ASAH2: variants seen among roughly 807,000 people sequenced by gnomAD.
The protein encoded by ASAH2 is N-acylsphingosine amidohydrolase 2.
ASAH2 carries 58 observed loss-of-function variants against 82.9 expected under a neutral mutation model. The observed-to-expected ratio is 0.70, with a 90% CI of 0.57 to 0.87. The LOEUF is 0.87. Ranked by LOEUF, ASAH2 falls within the 40% of genes least tolerant of loss-of-function variation. The pLI is 0.00. For missense variants in ASAH2, 779 were observed against 834.0 expected (o/e 0.93, Z 0.81); for synonymous variants, 276 against 289.7 (o/e 0.95, Z 0.48).
intron 10 of ASAH2, among the ~76,000 whole-genome samples, chr10:50,212,385 T>C (rs1845480156): frequency 6.6e-6 from 1 of 151,760 alleles, no homozygotes; most frequent in Admixed American, 6.6e-5. Context: ...GAAATCAGAG[T>C]AATTCATAGT....
chr10:50,237,633 T>C (rs1043226477), intron 4 of ASAH2, among the ~76,000 whole-genome samples: 9 of 152,320 alleles, frequency 5.9e-5, no homozygotes, highest in Admixed American at 1.3e-4. Flanking sequence ...AGTTGATCAA[T>C]GAACATCCAA....
intron 1 of ASAH2, among the ~76,000 whole-genome samples, chr10:50,250,457 G>A (rs929336241): frequency 5.3e-5 from 8 of 152,172 alleles, no homozygotes; most frequent in African/African-American, 1.9e-4. Context: ...AGCAAAACAA[G>A]TCAGATCTGT....
At chr10:50,223,585 G>A (rs1845801779) in intron 7 of ASAH2, among the ~76,000 whole-genome samples, 2 of 152,148 alleles carry the variant, frequency 1.3e-5, no homozygotes, top group South Asian at 2.1e-4. Context: ...TAGCAACATG[G>A]GAGCTCTTTA....
intron 7 of ASAH2, among the ~76,000 whole-genome samples, chr10:50,222,518 G>T (rs1845776190): frequency 1.3e-5 from 2 of 152,196 alleles, no homozygotes; most frequent in South Asian, 2.1e-4. Flanking sequence ...GAGCTCAAGC[G>T]ATCCTCCTGC....
chr10:50,237,283 G>A (rs1395789256), intron 4 of ASAH2, among the ~76,000 whole-genome samples: 1 of 152,166 alleles, frequency 6.6e-6, no homozygotes, highest in Non-Finnish European at 1.5e-5. Context: ...TAATAATCCT[G>A]TGGAGAAGCC....
At chr10:50,206,698 T>C (rs576328209) in intron 12 of ASAH2, among the ~76,000 whole-genome samples, 1 of 151,952 alleles carries the variant, frequency 6.6e-6, no homozygotes, top group African/African-American at 2.4e-5. Context: ...ATTATAAATG[T>C]CTGTGTAACA....
chr10:50,249,032 G>A (rs1442273762), intron 1 of ASAH2, among the ~76,000 whole-genome samples: 1 of 152,192 alleles, frequency 6.6e-6, no homozygotes, highest in Admixed American at 6.5e-5. Flanking sequence ...TGTTAACAAG[G>A]ATGACTGATG....
intron 19 of ASAH2, among the ~76,000 whole-genome samples, chr10:50,192,337 ACAT>A (rs1844871514): frequency 7.3e-5 from 1 of 13,632 alleles, no homozygotes; most frequent in African/African-American, 7.8e-5. Context: ...TTTGACTGAA[ACAT>A]CATTGTATGT....
chr10:50,203,727 C>G, intron 14 of ASAH2, 48 bp from the exon 15 acceptor site: 1 of 1,552,160 alleles, frequency 6.4e-7, no homozygotes, highest in African/African-American at 1.4e-5. Context: ...TAGACGTATG[C>G]AGAGTACACA....
chr10:50,220,053 A>G (rs1012339260), intron 7 of ASAH2, among the ~76,000 whole-genome samples: 3 of 152,352 alleles, frequency 2.0e-5, no homozygotes, highest in Admixed American at 1.3e-4. Flanking sequence ...GAACTGCTAT[A>G]CATTAAGAGA....
At chr10:50,241,143 C>T (rs1177289006) in intron 4 of ASAH2, among the ~76,000 whole-genome samples, 1 of 152,190 alleles carries the variant, frequency 6.6e-6, no homozygotes, top group Non-Finnish European at 1.5e-5. Flanking sequence ...AGTGGACCTT[C>T]AAGCCTGGGT....
intron 7 of ASAH2, 62 bp from the exon 8 acceptor site, chr10:50,218,692 A>G (rs1845672736): frequency 6.2e-7 from 1 of 1,600,242 alleles, no homozygotes; most frequent in Non-Finnish European, 8.6e-7. Flanking sequence ...GCCAAGAACT[A>G]TGACTGGGAG....
intron 4 of ASAH2, among the ~76,000 whole-genome samples, chr10:50,236,415 C>T (rs982156187): frequency 1.9e-4 from 29 of 152,068 alleles, no homozygotes; most frequent in African/African-American, 7.0e-4. Context: ...ATCATGAGAA[C>T]AGCAGCATGG....
intron 7 of ASAH2, among the ~76,000 whole-genome samples, chr10:50,228,062 G>A (rs1845936087): frequency 6.6e-6 from 1 of 152,170 alleles, no homozygotes; most frequent in African/African-American, 2.4e-5. Flanking sequence ...AGTGGCTCAG[G>A]CCTGTGATCC....
rs1844780864 is a variant in ASAH2, at chr10:50,187,295, A to T, written c.*20T>A. The T allele has an allele frequency of 7.8e-6, 1 of 128,678 alleles. No homozygotes were observed. 8.0% of individuals were successfully genotyped at this position (128,678 alleles called of 1,614,324 possible). A position where few individuals can be genotyped will look rare whatever the true frequency, so the allele number is the denominator to read the frequency against. ...GTGTAGAGAGTAAAGCTGTTCTTTA[A>T]ATGATCTATCAACTTTTCACTAAAT... On this transcript the variant is annotated 3_prime_UTR_variant, in exon 21 of 21. Transcript: ENST00000682911.
chr10:50,235,658 T>TTAAACA (rs1846140512), intron 5 of ASAH2, among the ~76,000 whole-genome samples: 1 of 152,140 alleles, frequency 6.6e-6, no homozygotes, highest in East Asian at 1.9e-4. Flanking sequence ...ATAACTACAT[T>TTAAACA]GGGCTTAGTC....
At chr10:50,246,018 T>C (rs1387990425) in intron 2 of ASAH2, among the ~76,000 whole-genome samples, 1 of 152,226 alleles carries the variant, frequency 6.6e-6, no homozygotes, top group African/African-American at 2.4e-5. Flanking sequence ...TGTATACATG[T>C]TGATATAATT....
chr10:50,222,834 C>T (rs1318159564), intron 7 of ASAH2, among the ~76,000 whole-genome samples: 5 of 152,082 alleles, frequency 3.3e-5, no homozygotes, highest in East Asian at 3.9e-4. Flanking sequence ...AATTTTAAAA[C>T]GCAGTACTTA....
At chr10:50,207,878 T>C (rs1407962370) in intron 12 of ASAH2, among the ~76,000 whole-genome samples, 1 of 151,768 alleles carries the variant, frequency 6.6e-6, no homozygotes, top group Non-Finnish European at 1.5e-5. Flanking sequence ...CTACAGAACA[T>C]TTTCTCTGAT....
Sources: allele counts gnomAD v4.1 joint callset (sites outside exome capture counted in the v4.1 genomes callset), GRCh38; gene constraint gnomAD v4.1.1; transcripts MANE v1.5; gene names NCBI Gene and HGNC (gene_info 2026-07-23, HGNC 2026-07-21).